Variants in NRP2 observed in about 807,000 individuals in gnomAD.
The protein encoded by NRP2 is neuropilin-2.
In NRP2, 52 loss-of-function variants were observed where a neutral mutation model predicts 110.4. The ratio of observed to expected loss-of-function variants is 0.47; its 90% CI spans 0.38 to 0.59. The LOEUF is 0.59. NRP2 is among the 20% of genes least tolerant of loss of function. The probability of loss-of-function intolerance (pLI) is 0.00; values close to 1 mark genes in which losing one functional copy is unlikely to be tolerated. For synonymous variants in NRP2, 508 were observed against 468.9 expected, an observed-to-expected ratio of 1.08 and a Z score of -1.08; for missense variants, 1,049 against 1,203.0, an observed-to-expected ratio of 0.87 and a Z score of 1.89.
chr2:205,784,156 G>C (rs932840886), intron 15 of NRP2, among the ~76,000 whole-genome samples: 3 of 152,166 alleles, frequency 2.0e-5, no homozygotes, highest in Admixed American at 2.0e-4. Context: ...AGCAATACCA[G>C]TTTCTTTCTC....
rs78833191 is a variant in NRP2 at position 205,789,682 on chromosome 2, C to T, written c.2426-2553C>T. 5.0e-3 allele frequency among the ~76,000 whole-genome samples: 760 copies of T among 152,254 alleles called. 10 individuals are homozygous for T. Among genetic ancestry groups the T allele is most frequent in the African/African-American group, 0.017 (717 of 41,536 alleles). ...CCTCCCAGAGGCCGGTAGCTTTACCCGTTGGTTCTCCTGGTAGCATCTTAC... is the reference window on the plus strand; with the variant it reads ...CCTCCCAGAGGCCGGTAGCTTTACCTGTTGGTTCTCCTGGTAGCATCTTAC... On this transcript the variant is annotated intron_variant, in intron 15 of 16. Coordinates refer to ENST00000357785, the MANE Select transcript of NRP2 (RefSeq NM_003872.3).
chr2:205,792,338 A>G (rs1275881379), intron 16 of NRP2, 53 bp downstream of exon 16: 1 of 1,364,948 alleles, frequency 7.3e-7, no homozygotes, highest in Non-Finnish European at 1.0e-6. Flanking sequence ...TTTGGTTATA[A>G]AGGTGTCAAC....
chr2:205,783,296 G>T (rs1273349783), intron 15 of NRP2, among the ~76,000 whole-genome samples: 1 of 152,150 alleles, frequency 6.6e-6, no homozygotes, highest in Non-Finnish European at 1.5e-5. Flanking sequence ...TGTGTCACTG[G>T]AGTTAATTCT....
intron 2 of NRP2, among the ~76,000 whole-genome samples, chr2:205,703,745 C>T (rs1273473863): frequency 1.3e-5 from 2 of 152,162 alleles, no homozygotes; most frequent in Admixed American, 1.3e-4. Context: ...CATAGGCAGA[C>T]AGCAGCATGC....
At chr2:205,738,130 T>G (rs2057377333) in intron 7 of NRP2, among the ~76,000 whole-genome samples, 1 of 152,234 alleles carries the variant, frequency 6.6e-6, no homozygotes, top group Non-Finnish European at 1.5e-5. Flanking sequence ...TTCTAAACGG[T>G]ACCAGCGTGG....
chr2:205,773,144 C>T (rs2058047933), intron 15 of NRP2, among the ~76,000 whole-genome samples: 1 of 152,176 alleles, frequency 6.6e-6, no homozygotes, highest in Non-Finnish European at 1.5e-5. Flanking sequence ...AAACCACAGC[C>T]TCATTAGCAT....
chr2:205,760,743 C>T (rs1270801267), intron 12 of NRP2: 1 of 152,016 alleles, frequency 6.6e-6, no homozygotes, highest in African/African-American at 2.4e-5. Context: ...TAGAACAGAC[C>T]CAGATACAAT....
At chr2:205,786,821 C>T (rs1021014583) in intron 15 of NRP2, among the ~76,000 whole-genome samples, 3 of 152,182 alleles carry the variant, frequency 2.0e-5, no homozygotes, top group Non-Finnish European at 4.4e-5. Flanking sequence ...CTGAGCCAAA[C>T]GGGCAAGTAT....
chr2:205,692,428 G>T (rs111306796), intron 1 of NRP2, among the ~76,000 whole-genome samples: 1 of 152,152 alleles, frequency 6.6e-6, no homozygotes, highest in Admixed American at 6.5e-5. Context: ...TTCTTAAAAC[G>T]CAGCTTATCC....
intron 6 of NRP2, among the ~76,000 whole-genome samples, chr2:205,727,446 G>A (rs953776850): frequency 2.6e-5 from 4 of 152,210 alleles, no homozygotes; most frequent in African/African-American, 4.8e-5. Context: ...GTGGGGAGGG[G>A]ATGCCTCTAT....
At chr2:205,688,649 A>C (rs1248331860) in intron 1 of NRP2, among the ~76,000 whole-genome samples, 1 of 152,192 alleles carries the variant, frequency 6.6e-6, no homozygotes, top group East Asian at 1.9e-4. Context: ...TTGTATTAAT[A>C]AGGAGAAATT....
intron 2 of NRP2, among the ~76,000 whole-genome samples, chr2:205,704,827 C>T (rs905343530): frequency 6.6e-6 from 1 of 152,156 alleles, no homozygotes; most frequent in South Asian, 2.1e-4. Context: ...TCTGCCTCTC[C>T]ACCCTGGCAC....
chr2:205,723,777 A>C lies in NRP2; in HGVS notation c.665-8A>C. On this transcript the variant is annotated splice_polypyrimidine_tract_variant and splice_region_variant and intron_variant, in intron 4 of 16. Transcript: ENST00000357785. ...TTCCACTGACTTCTCTTTGTCTTGAATGTCCAGTTGGCCCCCTGATTGGCA... is the reference window on the plus strand; with the variant it reads ...TTCCACTGACTTCTCTTTGTCTTGACTGTCCAGTTGGCCCCCTGATTGGCA... 6.2e-7 allele frequency: 1 copy of C among 1,614,080 alleles called. No individual in the cohort carries two copies. The highest frequency in any genetic ancestry group is 8.5e-7 in the Non-Finnish European group (1 of 1,179,986).
intron 1 of NRP2, among the ~76,000 whole-genome samples, chr2:205,696,775 C>T (rs149902569): frequency 7.9e-5 from 12 of 152,258 alleles, no homozygotes; most frequent in South Asian, 2.1e-4. Context: ...GGGCAGACAG[C>T]GCAGAAGAAA....
At chr2:205,766,151 G>A (rs2057913975) in intron 14 of NRP2, among the ~76,000 whole-genome samples, 1 of 152,216 alleles carries the variant, frequency 6.6e-6, no homozygotes. Flanking sequence ...GGCACGAGAA[G>A]GATATCATAA....
chr2:205,722,127 C>A, intron 3 of NRP2: 1 of 343,112 alleles, frequency 2.9e-6, no homozygotes, highest in Non-Finnish European at 5.5e-6. Context: ...AGACTCTGTT[C>A]CTCTTTTCAA....
chr2:205,752,655 G>C, intron 11 of NRP2, 180 bp from the exon 12 acceptor site: 1 of 664,584 alleles, frequency 1.5e-6, no homozygotes, highest in Non-Finnish European at 2.6e-6. Context: ...GGAAGGATGA[G>C]ACCAAAGCCT....
At chr2:205,698,494 C>T (rs191803017) in intron 2 of NRP2, among the ~76,000 whole-genome samples, 1 of 152,228 alleles carries the variant, frequency 6.6e-6, no homozygotes, top group African/African-American at 2.4e-5. Flanking sequence ...TTGGTTCTGC[C>T]ACCCTGGAAA....
At chr2:205,698,359 T>C (rs985606108) in intron 2 of NRP2, among the ~76,000 whole-genome samples, 2 of 152,194 alleles carry the variant, frequency 1.3e-5, no homozygotes, top group Non-Finnish European at 2.9e-5. Flanking sequence ...TATTAATCCA[T>C]TTACTTTGCA....
Sources: allele counts gnomAD v4.1 joint callset (sites outside exome capture counted in the v4.1 genomes callset), GRCh38; gene constraint gnomAD v4.1.1; transcripts MANE v1.5; gene names NCBI Gene and HGNC (gene_info 2026-07-23, HGNC 2026-07-21).